The following PPFIA2 variants were observed in gnomAD, a reference collection of about 807,000 sequenced individuals.
PPFIA2 encodes liprin-alpha-2.
Under a neutral mutation model 175.5 loss-of-function variants are expected in PPFIA2, and 46 were observed. That is an observed-to-expected ratio of 0.26 (90% CI 0.21 to 0.34). PPFIA2 has a LOEUF of 0.34. Among genes scored for constraint, PPFIA2 ranks in the 10% least tolerant of loss-of-function variants. The pLI, the probability that PPFIA2 is intolerant of heterozygous loss-of-function variation, is 1.00. For synonymous variants in PPFIA2, 568 were observed against 511.4 expected (o/e 1.11, Z -1.49); for missense variants, 1,179 against 1,506.1 (o/e 0.78, Z 3.60).
At chr12:81,394,156 AAAAC>A (rs1406623413) in intron 8 of PPFIA2, among the ~76,000 whole-genome samples, 2 of 152,198 alleles carry the variant, frequency 1.3e-5, no homozygotes, top group East Asian at 3.9e-4. Flanking sequence ...ACAAAAAACA[AAAAC>A]AAACAATCAA....
chr12:81,549,072 G>A (rs2067456165), intron 4 of PPFIA2, among the ~76,000 whole-genome samples: 1 of 152,056 alleles, frequency 6.6e-6, no homozygotes. Flanking sequence ...GCCATAGCTT[G>A]CCTCCACACA....
intron 4 of PPFIA2, among the ~76,000 whole-genome samples, chr12:81,616,163 A>C (rs2061412060): frequency 6.6e-6 from 1 of 152,178 alleles, no homozygotes; most frequent in Non-Finnish European, 1.5e-5. Context: ...TCAAGGCTTC[A>C]GCATCCTTCT....
At chr12:81,349,444 G>C (rs1197327691) in intron 17 of PPFIA2, among the ~76,000 whole-genome samples, 1 of 152,052 alleles carries the variant, frequency 6.6e-6, no homozygotes, top group Non-Finnish European at 1.5e-5. Context: ...TTATTTTCAT[G>C]AATGCATTTT....
At chr12:81,658,175 G>T (rs2068087104) in intron 4 of PPFIA2, among the ~76,000 whole-genome samples, 1 of 151,722 alleles carries the variant, frequency 6.6e-6, no homozygotes, top group South Asian at 2.1e-4. Flanking sequence ...GGCTGAGGCA[G>T]GAGAATCACT....
chr12:81,333,025 A>G (rs2056440217), intron 21 of PPFIA2, among the ~76,000 whole-genome samples: 1 of 152,202 alleles, frequency 6.6e-6, no homozygotes, highest in South Asian at 2.1e-4. Flanking sequence ...TTAGAGATTC[A>G]TAGATTCAGT....
chr12:81,426,071 T>C (rs1255554802), intron 7 of PPFIA2, among the ~76,000 whole-genome samples: 1 of 152,158 alleles, frequency 6.6e-6, no homozygotes, highest in African/African-American at 2.4e-5. Context: ...TGAGGGACAG[T>C]TATGCCAGTT....
At chr12:81,396,165 AGT>A (rs1407297433) in intron 8 of PPFIA2, among the ~76,000 whole-genome samples, 1 of 152,074 alleles carries the variant, frequency 6.6e-6, no homozygotes, top group East Asian at 1.9e-4. Flanking sequence ...TCATTAAAAC[AGT>A]GTGATATTTA....
intron 3 of PPFIA2, among the ~76,000 whole-genome samples, chr12:81,727,216 A>T (rs904778676): frequency 3.3e-5 from 5 of 151,270 alleles, no homozygotes; most frequent in Non-Finnish European, 5.9e-5. Flanking sequence ...ATTTTTCTCC[A>T]TCACAAGCTT....
chr12:81,368,466 A>G (rs1955832949), intron 13 of PPFIA2, among the ~76,000 whole-genome samples: 1 of 151,790 alleles, frequency 6.6e-6, no homozygotes, highest in South Asian at 2.1e-4. Context: ...TCATAAAAGC[A>G]CAGCATATTT....
intron 4 of PPFIA2, 139 bp downstream of exon 4, chr12:81,676,652 C>T (rs1281936598): frequency 2.0e-6 from 1 of 500,374 alleles, no homozygotes; most frequent in Non-Finnish European, 3.2e-6. Flanking sequence ...TTTCATACTT[C>T]TGTTATTAGT....
chr12:81,471,286 T>C (rs1243863413), intron 4 of PPFIA2: 2 of 151,838 alleles, frequency 1.3e-5, no homozygotes, highest in Admixed American at 6.6e-5. Flanking sequence ...GCTGGGACCA[T>C]AGATACACTC....
chr12:81,326,377 T>A (rs2054762200), intron 21 of PPFIA2, among the ~76,000 whole-genome samples: 2 of 152,158 alleles, frequency 1.3e-5, no homozygotes, highest in Non-Finnish European at 2.9e-5. Flanking sequence ...GAGCTCTTCA[T>A]AGACTGCTCC....
intron 3 of PPFIA2, among the ~76,000 whole-genome samples, chr12:81,731,219 C>T (rs1051022172): frequency 6.6e-6 from 1 of 151,660 alleles, no homozygotes; most frequent in African/African-American, 2.4e-5. Context: ...ATCCCATTTT[C>T]TTCTTTTCTT....
At chr12:81,561,664 C>CT (rs1200682712) in intron 4 of PPFIA2, among the ~76,000 whole-genome samples, 10 of 152,248 alleles carry the variant, frequency 6.6e-5, no homozygotes, top group South Asian at 6.2e-4. Flanking sequence ...TTACAAATCA[C>CT]TTTTTTTAAA....
intron 7 of PPFIA2, among the ~76,000 whole-genome samples, chr12:81,427,506 A>T (rs2144250670): frequency 6.6e-6 from 1 of 152,210 alleles, no homozygotes; most frequent in Admixed American, 6.5e-5. Context: ...ACATGTGAAT[A>T]AGTGAAATGC....
intron 3 of PPFIA2, among the ~76,000 whole-genome samples, chr12:81,744,477 C>T (rs1490408763): frequency 8.9e-5 from 13 of 146,162 alleles, no homozygotes; most frequent in Non-Finnish European, 1.8e-4. Context: ...AGGCTAAGTG[C>T]AATGGCACGA....
chr12:81,622,135 C>G (rs887616860), intron 4 of PPFIA2, among the ~76,000 whole-genome samples: 40 of 152,184 alleles, frequency 2.6e-4, no homozygotes, highest in Non-Finnish European at 5.3e-4. Context: ...CCTCCACTAT[C>G]TGGATAATTT....
intron 3 of PPFIA2, among the ~76,000 whole-genome samples, chr12:81,708,095 C>A (rs891011792): frequency 6.7e-6 from 1 of 150,218 alleles, no homozygotes; most frequent in African/African-American, 2.5e-5. Context: ...GTGGGTGCAG[C>A]GCACCAGCAT....
At chr12:81,427,560 T>C (rs1411768360) in intron 7 of PPFIA2, among the ~76,000 whole-genome samples, 1 of 152,022 alleles carries the variant, frequency 6.6e-6, no homozygotes, top group Non-Finnish European at 1.5e-5. Flanking sequence ...AATTATTCTA[T>C]GAACAAATAA....
Sources: gnomAD v4.1 joint callset for allele counts (sites outside exome capture counted in the v4.1 genomes callset) on GRCh38, gnomAD v4.1.1 for gene constraint, MANE v1.5 for transcripts, NCBI Gene and HGNC (gene_info 2026-07-23, HGNC 2026-07-21) for gene names.